KIAA1671: variants seen among roughly 807,000 people sequenced by gnomAD.
KIAA1671 encodes the protein uncharacterized protein KIAA1671.
Under a neutral mutation model 131.2 loss-of-function variants are expected in KIAA1671, and 52 were observed. The ratio of observed to expected loss-of-function variants is 0.40; its 90% CI spans 0.32 to 0.50. The LOEUF is 0.50. Ranked by LOEUF, KIAA1671 falls within the 20% of genes least tolerant of loss-of-function variation. The probability of loss-of-function intolerance (pLI) is 0.73; values close to 1 mark genes in which losing one functional copy is unlikely to be tolerated. For missense variants in KIAA1671, 2,360 were observed against 2,364.2 expected, an observed-to-expected ratio of 1.00 and a Z score of 0.04; for synonymous variants, 1,003 against 961.6, an observed-to-expected ratio of 1.04 and a Z score of -0.80.
At chr22:25,161,226 A>G (rs1231997762) in intron 6 of KIAA1671, among the ~76,000 whole-genome samples, 1 of 152,214 alleles carries the variant, frequency 6.6e-6, no homozygotes. Flanking sequence ...GACAAAAAAC[A>G]GCGACCCCCT....
At chr22:25,161,002 G>T (rs1229888275) in intron 6 of KIAA1671, among the ~76,000 whole-genome samples, 1 of 152,148 alleles carries the variant, frequency 6.6e-6, no homozygotes, top group Non-Finnish European at 1.5e-5. Flanking sequence ...GTCCTGAGGG[G>T]TCTGCCCAGC....
chr22:25,117,633 A>G lies in KIAA1671; in HGVS notation c.4531-53187A>G, dbSNP rs977837645. ...CACACACACACACACACACACACAC[A>G]CACAGACACACTGCTTCAGCAAGTG... On this transcript the variant is annotated intron_variant, in intron 6 of 12. Coordinates refer to ENST00000358431, the MANE Select transcript of KIAA1671 (RefSeq NM_001145206.2). Among the ~76,000 whole-genome samples the G allele has an allele frequency of 6.1e-4, 92 of 150,060 alleles. 1 individual carries two copies. The highest frequency in any genetic ancestry group is 2.2e-3 in the African/African-American group (88 of 40,890).
chr22:25,027,543 C>T (rs1346037877), intron 2 of KIAA1671, among the ~76,000 whole-genome samples: 1 of 152,182 alleles, frequency 6.6e-6, no homozygotes, highest in Non-Finnish European at 1.5e-5. Flanking sequence ...TGGTGTCAAA[C>T]CTGGTTTTAA....
At chr22:25,078,671 G>T (rs1929239084) in intron 6 of KIAA1671, among the ~76,000 whole-genome samples, 1 of 152,218 alleles carries the variant, frequency 6.6e-6, no homozygotes, top group African/African-American at 2.4e-5. Flanking sequence ...ACTGTTACCA[G>T]CTTCTGAATC....
At chr22:24,987,044 G>A (rs1923583215) in intron 1 of KIAA1671, among the ~76,000 whole-genome samples, 2 of 151,948 alleles carry the variant, frequency 1.3e-5, no homozygotes, top group African/African-American at 4.8e-5. Flanking sequence ...AAGTGGGTGT[G>A]GCTGTGGTTT....
chr22:25,182,832 G>T (rs536044604), intron 10 of KIAA1671, among the ~76,000 whole-genome samples: 2 of 152,138 alleles, frequency 1.3e-5, no homozygotes, highest in Non-Finnish European at 2.9e-5. Context: ...TGAGGAATCC[G>T]GTCTGCTGTG....
chr22:24,956,910 C>T (rs1438239074), intron 1 of KIAA1671, among the ~76,000 whole-genome samples: 2 of 151,418 alleles, frequency 1.3e-5, no homozygotes, highest in African/African-American at 2.4e-5. Flanking sequence ...GGGAATCAGC[C>T]AGAGATAGTC....
intron 1 of KIAA1671, among the ~76,000 whole-genome samples, chr22:24,962,479 C>T (rs997294197): frequency 2.6e-5 from 4 of 152,110 alleles, no homozygotes; most frequent in Admixed American, 6.5e-5. Flanking sequence ...AACCTGGAGC[C>T]GGACTGCTTG....
chr22:25,082,393 T>C (rs1481893310), intron 6 of KIAA1671, among the ~76,000 whole-genome samples: 2 of 152,176 alleles, frequency 1.3e-5, no homozygotes, highest in African/African-American at 2.4e-5. Flanking sequence ...CAGGCACCTC[T>C]GGAGGAAGTG....
intron 6 of KIAA1671, among the ~76,000 whole-genome samples, chr22:25,139,611 G>C (rs1232465675): frequency 6.6e-6 from 1 of 152,210 alleles, no homozygotes; most frequent in African/African-American, 2.4e-5. Flanking sequence ...TTACTTTCTA[G>C]TTGGAGTTGG....
At chr22:25,055,347 A>T (rs1018714174) in intron 6 of KIAA1671, 1 of 149,884 alleles carries the variant, frequency 6.7e-6, no homozygotes, top group African/African-American at 2.4e-5. Context: ...GTTGACAGCG[A>T]GTCCAAATGA....
In KIAA1671 at chr22:25,039,774, T is replaced by A; in HGVS notation, c.2644T>A (p.Cys882Ser). ...GVGARGPPQG[C>S]PLDPLSRATN... is the part of the protein sequence containing the mutation. ...GGGAGCAAGGGGCCCACCCCAGGGA[T>A]GCCCCCTCGATCCTCTTTCCAGGGC... The change falls in exon 5 of 13, where the codon TGC (cysteine) becomes AGC (serine). Residue 882 changes from cysteine to serine, a missense_variant. Physicochemically the swap from Cys to Ser is moderately radical, Grantham distance 112. Transcript: ENST00000358431. The A allele has an allele frequency of 6.7e-7, 1 of 1,501,752 alleles. No homozygotes were observed. The highest frequency in any genetic ancestry group is 1.4e-5 in the African/African-American group (1 of 71,978). 93.0% of individuals were successfully genotyped at this position (1,501,752 alleles called of 1,614,324 possible).
At chr22:25,146,237 C>A (rs1218414539) in intron 6 of KIAA1671, among the ~76,000 whole-genome samples, 1 of 152,212 alleles carries the variant, frequency 6.6e-6, no homozygotes, top group Non-Finnish European at 1.5e-5. Flanking sequence ...CCCAAAGTCA[C>A]ACGGCTGGTG....
intron 6 of KIAA1671, among the ~76,000 whole-genome samples, chr22:25,139,657 A>G (rs990792097): frequency 1.3e-5 from 2 of 152,210 alleles, no homozygotes; most frequent in Non-Finnish European, 2.9e-5. Flanking sequence ...AAGCAGTCTA[A>G]TATCATGGGT....
chr22:25,157,023 C>G (rs1933267271), intron 6 of KIAA1671, among the ~76,000 whole-genome samples: 1 of 151,970 alleles, frequency 6.6e-6, no homozygotes, highest in Non-Finnish European at 1.5e-5. Context: ...TGTGATGTTT[C>G]AAAAAAAGAA....
chr22:24,958,511 G>T (rs559610316), intron 1 of KIAA1671, among the ~76,000 whole-genome samples: 1 of 151,658 alleles, frequency 6.6e-6, no homozygotes, highest in African/African-American at 2.4e-5. Context: ...TCAGCCAGGC[G>T]TGGTGGTGGG....
chr22:25,133,995 C>T (rs1267900939), intron 6 of KIAA1671, among the ~76,000 whole-genome samples: 1 of 152,228 alleles, frequency 6.6e-6, no homozygotes, highest in Non-Finnish European at 1.5e-5. Context: ...CCATCTGGTA[C>T]AGGACCCCCT....
chr22:25,077,281 A>C (rs2145858887), intron 6 of KIAA1671, among the ~76,000 whole-genome samples: 1 of 152,216 alleles, frequency 6.6e-6, no homozygotes, highest in African/African-American at 2.4e-5. Context: ...CCTCTCTATA[A>C]GTGGCAGTGG....
At chr22:25,097,242 A>G (rs1489496449) in intron 6 of KIAA1671, among the ~76,000 whole-genome samples, 2 of 152,198 alleles carry the variant, frequency 1.3e-5, no homozygotes, top group African/African-American at 4.8e-5. Context: ...TCAGGGTATG[A>G]GAGGCCCAGT....
Sources: allele counts gnomAD v4.1 joint callset (sites outside exome capture counted in the v4.1 genomes callset), GRCh38; gene constraint gnomAD v4.1.1; transcripts MANE v1.5; gene names NCBI Gene and HGNC (gene_info 2026-07-23, HGNC 2026-07-21).